FOXK1: variants seen among roughly 807,000 people sequenced by gnomAD.
The protein encoded by FOXK1 is forkhead box protein K1.
FOXK1 carries 19 observed loss-of-function variants against 51.9 expected under a neutral mutation model. The observed-to-expected ratio is 0.37, with a 90% CI of 0.26 to 0.54. The LOEUF (loss-of-function observed/expected upper bound fraction) is 0.54. FOXK1 is among the 20% of genes least tolerant of loss of function. The pLI, the probability that FOXK1 is intolerant of heterozygous loss-of-function variation, is 0.87. For synonymous variants in FOXK1, 537 were observed against 482.6 expected, an observed-to-expected ratio of 1.11 and a Z score of -1.48; for missense variants, 870 against 1,032.7, an observed-to-expected ratio of 0.84 and a Z score of 2.16.
In FOXK1 at chr7:4,723,685, T is replaced by C. The variant is rs1380640424; in HGVS notation, c.561-17153T>C. ...CAGTTACTACCAATGTTTGTTTATT[T>C]GAGATAGGGTCTTGCTCTGTCTCCC... On this transcript the variant is annotated intron_variant, in intron 1 of 8. Coordinates refer to ENST00000328914, the MANE Select transcript of FOXK1 (RefSeq NM_001037165.2). This position sits in a 1 kb window ranked among gnomAD's most constrained non-coding sequence, Gnocchi z 4.7. Among the ~76,000 whole-genome samples the C allele has an allele frequency of 6.6e-6, 1 of 152,182 alleles. No individual in the cohort carries two copies. Among genetic ancestry groups the C allele is most frequent in the Non-Finnish European group, 1.5e-5 (1 of 68,018 alleles).
chr7:4,737,573 T>TGTGTGTGC (rs896937410), intron 1 of FOXK1, among the ~76,000 whole-genome samples: 1 of 151,824 alleles, frequency 6.6e-6, no homozygotes, highest in African/African-American at 2.4e-5. Flanking sequence ...TGTGTGTGTG[T>TGTGTGTGC]GCATGCATGT....
In FOXK1 at chr7:4,764,126, A is replaced by G. The variant is rs1780975217; in HGVS notation, c.*1662A>G. The G allele has an allele frequency of 6.6e-6, 1 of 152,504 alleles. No homozygotes were observed. Among genetic ancestry groups the G allele is most frequent in the South Asian group, 2.1e-4 (1 of 4,844 alleles). The allele number at this position is 152,504 out of a possible 1,614,324, so 9.4% of individuals were successfully genotyped here. A position where few individuals can be genotyped will look rare whatever the true frequency, so the allele number is the denominator to read the frequency against. The stretch of plus-strand genomic sequence containing the variant: ...GAAGAAGAAGGGAGAACACTTTTCA[A>G]AGTGATTCCGAGGCAGTGCGGGAGG... On this transcript the variant is annotated 3_prime_UTR_variant, in exon 9 of 9. Transcript: ENST00000328914.
chr7:4,695,120 A>G (rs1334965304), intron 1 of FOXK1, among the ~76,000 whole-genome samples: 2 of 152,194 alleles, frequency 1.3e-5, no homozygotes, highest in East Asian at 3.9e-4. Context: ...TGTGTCCGCT[A>G]CCTCTGCCCT....
intron 1 of FOXK1, among the ~76,000 whole-genome samples, chr7:4,727,026 C>T (rs1462614249): frequency 6.6e-6 from 1 of 152,180 alleles, no homozygotes. Flanking sequence ...CCCATTGCAG[C>T]CTTGAATTCC....
intron 7 of FOXK1, chr7:4,759,816 A>G: frequency 1.6e-6 from 1 of 609,056 alleles, no homozygotes; most frequent in Admixed American, 3.2e-5. Flanking sequence ...GGATTACTTG[A>G]GGTCCGGAGT....
rs114465840 is a variant in FOXK1 at position 4,730,644 on chromosome 7, G to A, written c.561-10194G>A. The stretch of plus-strand genomic sequence containing the variant: ...CTTGAGACGTCCTTGCTGCGGGTTC[G>A]TCTGTAACCTGTGTCCCTTCACTGC... On this transcript the variant is annotated intron_variant, in intron 1 of 8. Coordinates refer to ENST00000328914, the MANE Select transcript of FOXK1 (RefSeq NM_001037165.2). The surrounding 1 kb of genome is among the most constrained non-coding windows in gnomAD (Gnocchi z 4.7). Among the ~76,000 whole-genome samples the A allele has an allele frequency of 8.3e-3, 1,269 of 152,304 alleles. 22 individuals carry two copies. The highest frequency in any genetic ancestry group is 0.029 in the African/African-American group (1,213 of 41,562).
At chr7:4,706,063 T>C (rs28666908) in intron 1 of FOXK1, among the ~76,000 whole-genome samples, 2,843 of 110,172 alleles carry the variant, frequency 0.026, 128 homozygotes, top group Middle Eastern at 0.066. Flanking sequence ...TGTATATATA[T>C]GTGTATATAT....
chr7:4,682,445 C>A lies in FOXK1; in HGVS notation c.137C>A (p.Pro46His). The A allele has an allele frequency of 1.0e-6, 1 of 983,000 alleles. No homozygotes were observed. Among genetic ancestry groups the A allele is most frequent in the South Asian group, 4.5e-5 (1 of 22,120 alleles). The allele number at this position is 983,000 out of a possible 1,614,324, so 60.9% of individuals were successfully genotyped here. ...GCACCCCCGCCGGCCCCCGCGCAGC[C>A]CCAGCCTCCGCCCGGGCCGCCGCCG... ...AAAPPPAPAQ[P>H]QPPPGPPPPP... Residue 46 changes from proline (P) to histidine (H), a missense_variant, in exon 1 of 9, where the codon CCC becomes CAC. Transcript: ENST00000328914. This position sits in a 1 kb window ranked among gnomAD's most constrained non-coding sequence, Gnocchi z 7.6.
At chr7:4,754,703 C>T in intron 3 of FOXK1, 88 bp downstream of exon 3, 1 of 1,461,162 alleles carries the variant, frequency 6.8e-7, no homozygotes, top group Non-Finnish European at 9.2e-7. Flanking sequence ...CAGCCCAGGG[C>T]CTGCGGGCGT....
intron 1 of FOXK1, among the ~76,000 whole-genome samples, chr7:4,695,100 C>T (rs979034753): frequency 6.6e-6 from 1 of 152,252 alleles, no homozygotes; most frequent in Non-Finnish European, 1.5e-5. Context: ...AGAAGGAGAA[C>T]TGCAAAGTTT....
At position 4,759,082 on chromosome 7, in the gene FOXK1, C is replaced by A; in HGVS notation, c.1276C>A (p.Leu426Met). The change falls in exon 6 of 9, where the codon CTG becomes ATG. Residue 426 changes from leucine to methionine, a missense_variant. This residue lies in a region of FOXK1 where 457 missense variants were observed against 510.8 expected (regional missense o/e 0.89). Coordinates refer to ENST00000328914, the MANE Select transcript of FOXK1 (RefSeq NM_001037165.2). ...TCCAGCTTCGCCCACACACCCCGGGCTGATGTCCCCTCGCTCCGGCGGCCT... is the reference window on the plus strand; with the variant it reads ...TCCAGCTTCGCCCACACACCCCGGGATGATGTCCCCTCGCTCCGGCGGCCT... ...SAPASPTHPG[L>M]MSPRSGGLQT... 1 of 1,608,784 alleles carries A rather than the reference C, an allele frequency of 6.2e-7. No homozygotes were observed. The highest frequency in any genetic ancestry group is 1.1e-5 in the South Asian group (1 of 90,828).
rs1331605367 is a variant in FOXK1 at position 4,769,861 on chromosome 7, G to A, written c.*7397G>A. The A allele has an allele frequency of 6.6e-6, 1 of 152,168 alleles. No individual in the cohort carries two copies. 9.4% of individuals were successfully genotyped at this position (152,168 alleles called of 1,614,324 possible). A position where few individuals can be genotyped will look rare whatever the true frequency, so the allele number is the denominator to read the frequency against. ...TTCTTTATCTCGGATTCTTTTTTCT[G>A]GAATTGTTTGCTCATTTGAGTGGTT... On this transcript the variant is annotated 3_prime_UTR_variant, in exon 9 of 9. Transcript: ENST00000328914. This position sits in a 1 kb window ranked among gnomAD's most constrained non-coding sequence, Gnocchi z 4.1.
chr7:4,758,634 C>T lies in FOXK1; in HGVS notation c.1245-417C>T, dbSNP rs145742014. The T allele has an allele frequency of 5.2e-4, 97 of 185,482 alleles. No homozygotes were observed. Among genetic ancestry groups the T allele is most frequent in the African/African-American group, 2.2e-3 (95 of 42,572 alleles). 11.5% of individuals were successfully genotyped at this position (185,482 alleles called of 1,614,324 possible). ...TCGAACGTCATTTGCAGCATTTAAACTGAGCTCCAAATGACGTTCAAACAC... is the reference window on the plus strand; with the variant it reads ...TCGAACGTCATTTGCAGCATTTAAATTGAGCTCCAAATGACGTTCAAACAC... On this transcript the variant is annotated intron_variant, in intron 5 of 8. Transcript: ENST00000328914. This position sits in a 1 kb window ranked among gnomAD's most constrained non-coding sequence, Gnocchi z 4.4.
At chr7:4,732,558 C>T (rs533862419) in intron 1 of FOXK1, among the ~76,000 whole-genome samples, 7 of 152,258 alleles carry the variant, frequency 4.6e-5, no homozygotes, top group African/African-American at 7.2e-5. Context: ...CCTTCCAAAG[C>T]GCTGGGATTA....
chr7:4,716,173 A>G (rs1780230235), intron 1 of FOXK1, among the ~76,000 whole-genome samples: 1 of 151,500 alleles, frequency 6.6e-6, no homozygotes, highest in Non-Finnish European at 1.5e-5. Context: ...GTGAGTTGAG[A>G]TTGCGCCTCT....
rs1780334288 is a variant in FOXK1 at position 4,722,990 on chromosome 7, C to G, written c.561-17848C>G. On this transcript the variant is annotated intron_variant, in intron 1 of 8. Transcript: ENST00000328914. This position sits in a 1 kb window ranked among gnomAD's most constrained non-coding sequence, Gnocchi z 5.1. ...AGCAGGTGGCCGACGCAGGCACCCTCAGATCTGAGATCCAGACAAGAGGCA... is the reference window on the plus strand; with the variant it reads ...AGCAGGTGGCCGACGCAGGCACCCTGAGATCTGAGATCCAGACAAGAGGCA... Among the ~76,000 whole-genome samples, 1 of 152,110 alleles carries G rather than the reference C, an allele frequency of 6.6e-6. No homozygotes were observed. The highest frequency in any genetic ancestry group is 1.5e-5 in the Non-Finnish European group (1 of 68,032).
intron 1 of FOXK1, among the ~76,000 whole-genome samples, chr7:4,726,417 C>T (rs769651009): frequency 3.3e-5 from 5 of 152,056 alleles, no homozygotes; most frequent in Non-Finnish European, 7.4e-5. Flanking sequence ...GTCAGGAGTT[C>T]GAGACCAGCC....
Position 4,754,661 on chromosome 7 carries a change from G to A in FOXK1, c.903+46G>A, listed in dbSNP as rs376409422. ...GTGGTGCACCTGGTGACCCAGGATCGGGCCATAGTGACCCGGCGCGGGCGG... is the reference window on the plus strand; with the variant it reads ...GTGGTGCACCTGGTGACCCAGGATCAGGCCATAGTGACCCGGCGCGGGCGG... On this transcript the variant is annotated intron_variant, in intron 3 of 8. Coordinates refer to ENST00000328914, the MANE Select transcript of FOXK1 (RefSeq NM_001037165.2). The A allele has an allele frequency of 2.5e-5, 39 of 1,578,368 alleles. No homozygotes were observed. In the African/African-American group the frequency reaches 2.8e-4, roughly 11 times the overall value.
In FOXK1 at chr7:4,757,155, C is replaced by T; in HGVS notation, c.1212C>T (p.Cys404=). 6.2e-7 allele frequency: 1 copy of T among 1,611,958 alleles called. No individual in the cohort carries two copies. Among genetic ancestry groups the T allele is most frequent in the Non-Finnish European group, 8.5e-7 (1 of 1,179,538 alleles). The change falls in exon 5 of 9, where the codon TGC becomes TGT. Residue 404 remains cysteine, a synonymous_variant. Coordinates refer to ENST00000328914, the MANE Select transcript of FOXK1 (RefSeq NM_001037165.2). ...AACGGAGGCAGAGGGGTGTCTCCTGCTTCCGCACCCCCTTCGGGCCTCTGT... is the reference window on the plus strand; with the variant it reads ...AACGGAGGCAGAGGGGTGTCTCCTGTTTCCGCACCCCCTTCGGGCCTCTGT... ...FRKRRQRGVS[C]FRTPFGPLSS... is the part of the protein sequence containing the mutation.
Sources: allele counts gnomAD v4.1 joint callset (sites outside exome capture counted in the v4.1 genomes callset), GRCh38; gene constraint gnomAD v4.1.1; regional missense constraint gnomAD v4.1.1; non-coding constraint Gnocchi (gnomAD v3.1); transcripts MANE v1.5; gene names NCBI Gene and HGNC (gene_info 2026-07-23, HGNC 2026-07-21).